ASIC2: variants seen among roughly 807,000 people sequenced by gnomAD.
ASIC2 encodes the protein acid sensing ion channel subunit 2.
ASIC2 carries 25 observed loss-of-function variants against 57.3 expected under a neutral mutation model. The ratio of observed to expected loss-of-function variants is 0.44; its 90% confidence interval spans 0.32 to 0.61. The LOEUF is 0.61. Among genes scored for constraint, ASIC2 ranks in the 20% least tolerant of loss-of-function variants. ASIC2 has a pLI of 0.06. For missense variants in ASIC2, 641 were observed against 738.1 expected (o/e 0.87, Z 1.52); for synonymous variants, 319 against 307.5 (o/e 1.04, Z -0.39).
chr17:33,598,564 G>C (rs866033779), intron 1 of ASIC2, among the ~76,000 whole-genome samples: 7 of 152,188 alleles, frequency 4.6e-5, no homozygotes, highest in Non-Finnish European at 4.4e-5. Flanking sequence ...GGTATCAAAA[G>C]AGGATTTAAA....
At chr17:33,764,188 G>A (rs538770031) in intron 1 of ASIC2, among the ~76,000 whole-genome samples, 2 of 152,198 alleles carry the variant, frequency 1.3e-5, no homozygotes, top group African/African-American at 4.8e-5. Context: ...ATGGTGGCGG[G>A]CACCTGTAGT....
chr17:34,022,142 T>A (rs1207812734), intron 1 of ASIC2, among the ~76,000 whole-genome samples: 1 of 152,180 alleles, frequency 6.6e-6, no homozygotes, highest in African/African-American at 2.4e-5. Flanking sequence ...GTGATTTTTA[T>A]GTGCAGCCAG....
intron 1 of ASIC2, among the ~76,000 whole-genome samples, chr17:33,546,051 T>C (rs1311216623): frequency 2.0e-5 from 3 of 152,028 alleles, no homozygotes; most frequent in Non-Finnish European, 4.4e-5. Flanking sequence ...TGAAGCATAA[T>C]GCTCATTCTG....
At chr17:33,934,965 A>T (rs1195626234) in intron 1 of ASIC2, among the ~76,000 whole-genome samples, 1 of 152,150 alleles carries the variant, frequency 6.6e-6, no homozygotes, top group Non-Finnish European at 1.5e-5. Context: ...ATACATACTG[A>T]CATGCAAATG....
chr17:33,538,747 G>GT (rs56241937), intron 1 of ASIC2, among the ~76,000 whole-genome samples: 2 of 152,166 alleles, frequency 1.3e-5, no homozygotes, highest in Non-Finnish European at 2.9e-5. Context: ...TCAAGGGCAG[G>GT]TTTTTTCTAC....
At chr17:33,736,717 C>T (rs1299164634) in intron 1 of ASIC2, among the ~76,000 whole-genome samples, 1 of 152,182 alleles carries the variant, frequency 6.6e-6, no homozygotes, top group Non-Finnish European at 1.5e-5. Context: ...ACCCTCCTCT[C>T]CGAGATCATT....
chr17:33,507,996 G>T (rs759305511), intron 1 of ASIC2, among the ~76,000 whole-genome samples: 2 of 152,094 alleles, frequency 1.3e-5, no homozygotes, highest in African/African-American at 2.4e-5. Context: ...GCCACAGTTC[G>T]CTGACTCCTC....
At chr17:34,011,525 C>T (rs888051398) in intron 1 of ASIC2, among the ~76,000 whole-genome samples, 1 of 152,114 alleles carries the variant, frequency 6.6e-6, no homozygotes, top group Non-Finnish European at 1.5e-5. Flanking sequence ...TTTGAATTCC[C>T]TACATGCTAG....
chr17:34,018,840 A>G, intron 1 of ASIC2, among the ~76,000 whole-genome samples: 1 of 152,220 alleles, frequency 6.6e-6, no homozygotes, highest in East Asian at 1.9e-4. Flanking sequence ...AATTGCTGCA[A>G]TCTCATGATA....
chr17:33,906,367 T>C (rs776794242), intron 1 of ASIC2, among the ~76,000 whole-genome samples: 2 of 152,198 alleles, frequency 1.3e-5, no homozygotes, highest in Non-Finnish European at 2.9e-5. Context: ...TGGAAAATCT[T>C]GGGTTATGTA....
intron 1 of ASIC2, among the ~76,000 whole-genome samples, chr17:33,900,968 G>A (rs565141126): frequency 6.6e-6 from 1 of 152,308 alleles, no homozygotes; most frequent in Admixed American, 6.5e-5. Flanking sequence ...CCAGGCTCCT[G>A]GTCCTTGGCT....
At chr17:34,125,184 A>G (rs2142122516) in intron 1 of ASIC2, among the ~76,000 whole-genome samples, 1 of 151,878 alleles carries the variant, frequency 6.6e-6, no homozygotes, top group East Asian at 1.9e-4. Flanking sequence ...ACTGACACAC[A>G]ACAGCACTGT....
At chr17:33,137,057 T>C (rs1013581435) in intron 1 of ASIC2, among the ~76,000 whole-genome samples, 3 of 152,212 alleles carry the variant, frequency 2.0e-5, no homozygotes, top group African/African-American at 7.2e-5. Flanking sequence ...AAGTGGAACG[T>C]AGCTAACATT....
chr17:33,122,740 G>A (rs1004497282), intron 1 of ASIC2, among the ~76,000 whole-genome samples: 3 of 152,102 alleles, frequency 2.0e-5, no homozygotes. Context: ...TAGTCACCAT[G>A]CTGTGCAACA....
chr17:33,978,923 C>T (rs1905497710), intron 1 of ASIC2, among the ~76,000 whole-genome samples: 1 of 152,108 alleles, frequency 6.6e-6, no homozygotes, highest in Non-Finnish European at 1.5e-5. Context: ...ACAGGAGAAA[C>T]ATTATCACAA....
chr17:34,118,571 T>C (rs1911498649), intron 1 of ASIC2: 1 of 152,258 alleles, frequency 6.6e-6, no homozygotes, highest in Non-Finnish European at 1.5e-5. Flanking sequence ...AATATGCATC[T>C]GGTCCCTTTC....
chr17:34,023,337 C>T (rs927239577), intron 1 of ASIC2, among the ~76,000 whole-genome samples: 2 of 150,656 alleles, frequency 1.3e-5, no homozygotes, highest in African/African-American at 4.9e-5. Context: ...ATACTTTCTG[C>T]AGTTCTCTGT....
At chr17:33,961,968 C>T (rs1597951236) in intron 1 of ASIC2, among the ~76,000 whole-genome samples, 1 of 152,210 alleles carries the variant, frequency 6.6e-6, no homozygotes, top group East Asian at 1.9e-4. Flanking sequence ...GTAAAACTCA[C>T]ATCACCAAGG....
chr17:33,405,590 T>C (rs1316413047), intron 1 of ASIC2, among the ~76,000 whole-genome samples: 2 of 151,574 alleles, frequency 1.3e-5, no homozygotes, highest in African/African-American at 2.4e-5. Flanking sequence ...TTCAAGCAAT[T>C]CTCCCGCCTC....
Sources: allele counts gnomAD v4.1 joint callset (sites outside exome capture counted in the v4.1 genomes callset), GRCh38; gene constraint gnomAD v4.1.1; transcripts MANE v1.5; gene names NCBI Gene and HGNC (gene_info 2026-07-23, HGNC 2026-07-21).